PBRM1: variants seen among roughly 807,000 people sequenced by gnomAD.
PBRM1 encodes polybromo 1, also known as protein polybromo-1.
A neutral mutation model predicts 194.5 loss-of-function variants in PBRM1; 27 were observed. The ratio of observed to expected loss-of-function variants is 0.14; its 90% CI spans 0.10 to 0.19. The LOEUF (loss-of-function observed/expected upper bound fraction) is 0.19, where lower values mean the gene tolerates loss of function less well. Ranked by LOEUF, PBRM1 falls within the 10% of genes least tolerant of loss-of-function variation. The probability of loss-of-function intolerance (pLI) is 1.00; values close to 1 mark genes in which losing one functional copy is unlikely to be tolerated. For synonymous variants in PBRM1, 655 were observed against 693.2 expected (o/e 0.94, Z 0.87); for missense variants, 1,466 against 2,077.2 (o/e 0.71, Z 5.72).
At chr3:52,636,141 G>T (rs1050404260) in intron 10 of PBRM1, among the ~76,000 whole-genome samples, 1 of 151,952 alleles carries the variant, frequency 6.6e-6, no homozygotes. Flanking sequence ...AAAGTGCTGG[G>T]ATTACAGGCG....
intron 17 of PBRM1, among the ~76,000 whole-genome samples, chr3:52,601,500 G>C (rs761790982): frequency 2.0e-5 from 3 of 152,050 alleles, no homozygotes; most frequent in Non-Finnish European, 4.4e-5. Context: ...TGCCACCACT[G>C]ATCTAACAGG....
chr3:52,629,780 A>T (rs115961337), intron 11 of PBRM1, among the ~76,000 whole-genome samples: 15 of 152,332 alleles, frequency 9.8e-5, no homozygotes, highest in Admixed American at 2.6e-4. Context: ...CAGACTTTAA[A>T]TCTTTTGATT....
rs1413331563 is a variant in PBRM1, at chr3:52,586,469, T to C, written c.3343A>G (p.Asn1115Asp). The change falls in exon 20 of 30, where the codon AAC (asparagine) becomes GAC (aspartate). Residue 1115 changes from asparagine (N) to aspartate (D), a missense_variant. Coordinates refer to ENST00000296302, the Ensembl canonical transcript of PBRM1. ...TCTTCAGCTCGACTGTCCTCTGAGT[T>C]GTCTGTATTCTTCTCATCATCACCT... is the stretch of plus-strand genomic sequence containing the variant. 10 of 1,614,012 alleles carry C rather than the reference T, an allele frequency of 6.2e-6. 1 individual carries two copies. The East Asian group carries it at 2.2e-4, about 36-fold the overall frequency.
Position 52,563,172 on chromosome 3 carries a change from C to A in PBRM1, c.4086+111G>T, listed in dbSNP as rs1012498721. 1.7e-4 allele frequency: 115 copies of A among 658,868 alleles called. No homozygotes were observed. The African/African-American group carries it at 1.9e-3, about 11-fold the overall frequency. 40.8% of individuals were successfully genotyped at this position (658,868 alleles called of 1,614,324 possible). On this transcript the variant is annotated intron_variant, in intron 24 of 29. Coordinates refer to ENST00000296302, the Ensembl canonical transcript of PBRM1. ...AAAATCTGTTCCTTCCTGCAGAATT[C>A]TAAGTTAAAGCTCACATATGGAGGG... is the stretch of plus-strand genomic sequence containing the variant.
At position 52,573,496 on chromosome 3, in the gene PBRM1, G is replaced by T. The variant is rs184285539; in HGVS notation, c.3691+3045C>A. ...TTTAGTAAAGATGGGGTTTCACCACGTTGGCCAGGCTGGTCTCTTAACTCC... is the reference window on the plus strand; with the variant it reads ...TTTAGTAAAGATGGGGTTTCACCACTTTGGCCAGGCTGGTCTCTTAACTCC... On this transcript the variant is annotated intron_variant, in intron 22 of 29. Coordinates refer to ENST00000296302, the Ensembl canonical transcript of PBRM1. Among the ~76,000 whole-genome samples the T allele has an allele frequency of 1.1e-4, 17 of 152,234 alleles. No homozygotes were observed. The East Asian group carries it at 3.3e-3, about 29-fold the overall frequency.
At chr3:52,656,526 G>A (rs950057232) in intron 5 of PBRM1, among the ~76,000 whole-genome samples, 3 of 151,836 alleles carry the variant, frequency 2.0e-5, no homozygotes, top group African/African-American at 7.3e-5. Flanking sequence ...TTAGCCAGGT[G>A]TGGTGGTGCA....
In PBRM1 at chr3:52,564,319, A is replaced by C; in HGVS notation, c.3692-86T>G. 1.4e-5 allele frequency: 13 copies of C among 946,682 alleles called. 1 individual carries two copies. The South Asian group carries it at 1.7e-4, about 13-fold the overall frequency. 58.6% of individuals were successfully genotyped at this position (946,682 alleles called of 1,614,324 possible). ...TTTAACATTTTATTATTTTTGGATG[A>C]ATACATTCATATAATTAACAATTTT... is the stretch of plus-strand genomic sequence containing the variant. On this transcript the variant is annotated intron_variant, in intron 22 of 29. Coordinates refer to ENST00000296302, the Ensembl canonical transcript of PBRM1.
chr3:52,656,458 G>GT (rs1465142488), intron 5 of PBRM1, among the ~76,000 whole-genome samples: 4 of 152,152 alleles, frequency 2.6e-5, no homozygotes, highest in African/African-American at 9.7e-5. Context: ...GAGGTCAGGA[G>GT]TTTAAGATCA....
chr3:52,587,457 G>C (rs1258134094), exon 19 of PBRM1: 3 of 1,612,106 alleles, frequency 1.9e-6, no homozygotes, highest in Admixed American at 3.3e-5. Flanking sequence ...CGTGTAGCCA[G>C]GTGGAATGTT....
intron 3 of PBRM1, among the ~76,000 whole-genome samples, chr3:52,667,188 C>T (rs891533616): frequency 6.6e-6 from 1 of 151,908 alleles, no homozygotes; most frequent in Non-Finnish European, 1.5e-5. Flanking sequence ...ATATGAAAGA[C>T]AAAACTATAA....
In PBRM1 at chr3:52,671,424, G is replaced by A. The variant is rs572738791; in HGVS notation, c.237-2779C>T. ...GCCAGCAAAAAGGAGGCAGCAGAGG[G>A]ACGGTATCTTCTATAAAAGTTGTTT... On this transcript the variant is annotated intron_variant, in intron 2 of 29. Coordinates refer to ENST00000296302, the Ensembl canonical transcript of PBRM1. 2.6e-5 allele frequency among the ~76,000 whole-genome samples: 4 copies of A among 152,336 alleles called. No homozygotes were observed. The South Asian group carries it at 8.3e-4, about 32-fold the overall frequency.
At position 52,612,979 on chromosome 3, in the gene PBRM1, T is replaced by C. The variant is rs2094725258; in HGVS notation, c.1924+2372A>G. Among the ~76,000 whole-genome samples, 4 of 150,926 alleles carry C rather than the reference T, an allele frequency of 2.7e-5. No homozygotes were observed. The South Asian group carries it at 8.3e-4, about 31-fold the overall frequency. ...TTAATGAGAGTCTGATTTGAGGAAA[T>C]CAACTATAAAAATACATTTGTGAGA... is the stretch of plus-strand genomic sequence containing the variant. On this transcript the variant is annotated intron_variant, in intron 15 of 29. Transcript: ENST00000296302.
At chr3:52,651,193 G>T (rs2096483083) in intron 6 of PBRM1, among the ~76,000 whole-genome samples, 1 of 152,220 alleles carries the variant, frequency 6.6e-6, no homozygotes, top group Admixed American at 6.5e-5. Context: ...GCAAGTCTAT[G>T]TGAGTGTTTA....
chr3:52,582,878 A>G (rs1304618795), intron 20 of PBRM1, among the ~76,000 whole-genome samples: 4 of 151,692 alleles, frequency 2.6e-5, no homozygotes, highest in African/African-American at 7.3e-5. Flanking sequence ...CGGGCGGATC[A>G]TGAGGTCAGG....
chr3:52,641,626 A>C (rs763403950), intron 10 of PBRM1, among the ~76,000 whole-genome samples: 1 of 152,120 alleles, frequency 6.6e-6, no homozygotes, highest in Non-Finnish European at 1.5e-5. Context: ...ATATAAGCTA[A>C]AGCCTGAAAA....
Position 52,656,452 on chromosome 3 carries a change from T to C in PBRM1, c.645+1747A>G, listed in dbSNP as rs535703747. ...GCTGAGGCAGGTGCATCACTTGAGG[T>C]CAGGAGTTTAAGATCAGCCTGGCCA... On this transcript the variant is annotated intron_variant, in intron 5 of 29. Coordinates refer to ENST00000296302, the Ensembl canonical transcript of PBRM1. Among the ~76,000 whole-genome samples the C allele has an allele frequency of 8.5e-5, 13 of 152,154 alleles. No homozygotes were observed. The East Asian group carries it at 2.5e-3, about 29-fold the overall frequency.
chr3:52,630,841 G>C (rs568398556), intron 11 of PBRM1, among the ~76,000 whole-genome samples: 1 of 152,318 alleles, frequency 6.6e-6, no homozygotes, highest in East Asian at 1.9e-4. Context: ...AGAAGGCTGT[G>C]TTGGCAGGGG....
chr3:52,664,174 A>G (rs186381404), intron 3 of PBRM1, among the ~76,000 whole-genome samples: 2 of 152,080 alleles, frequency 1.3e-5, no homozygotes, highest in African/African-American at 4.8e-5. Flanking sequence ...GTGAGCTACA[A>G]CTGTGCCTGT....
intron 16 of PBRM1, among the ~76,000 whole-genome samples, chr3:52,604,221 A>G (rs1057493739): frequency 2.6e-5 from 4 of 152,242 alleles, no homozygotes; most frequent in African/African-American, 9.6e-5. Flanking sequence ...CCCTGTGAAT[A>G]TCGGAACCTA....
Sources: gnomAD v4.1 joint callset for allele counts (sites outside exome capture counted in the v4.1 genomes callset) on GRCh38, gnomAD v4.1.1 for gene constraint, MANE v1.5 for transcripts, NCBI Gene and HGNC (gene_info 2026-07-23, HGNC 2026-07-21) for gene names.